Variants in SLC25A28 observed in about 807,000 individuals in gnomAD.
SLC25A28 encodes the protein mitoferrin-2.
In SLC25A28, 10 loss-of-function variants were observed where a neutral mutation model predicts 31.9. The ratio of observed to expected loss-of-function variants is 0.31; its 90% CI spans 0.19 to 0.53. The LOEUF (loss-of-function observed/expected upper bound fraction) is 0.53, where lower values mean the gene tolerates loss of function less well. Among genes scored for constraint, SLC25A28 ranks in the 20% least tolerant of loss-of-function variants. The pLI, the probability that SLC25A28 is intolerant of heterozygous loss-of-function variation, is 0.95. For missense variants in SLC25A28, 256 were observed against 490.3 expected (o/e 0.52, Z 4.51); for synonymous variants, 208 against 203.6 (o/e 1.02, Z -0.19).
chr10:99,612,596 G>C lies in SLC25A28; in HGVS notation c.524C>G (p.Ala175Gly). Residue 175 changes from alanine (A) to glycine (G), a missense_variant, in exon 3 of 4, where the codon GCG (alanine) becomes GGG (glycine). Transcript: ENST00000370495. ...PGGNSHIANG[A>G]AGCVATLLHD... is the part of the protein sequence containing the mutation. Reference sequence around the variant, plus strand: ...AAGTAATGTTGCCACACACCCGGCCGCACCTGCAAACAAGAAAACAACTGC... The same window carrying C: ...AAGTAATGTTGCCACACACCCGGCCCCACCTGCAAACAAGAAAACAACTGC... 2 of 1,614,078 alleles carry C rather than the reference G, an allele frequency of 1.2e-6. No homozygotes were observed. The highest frequency in any genetic ancestry group is 1.7e-6 in the Non-Finnish European group (2 of 1,180,026).
At chr10:99,612,721 A>G in intron 2 of SLC25A28, 122 bp from the exon 3 acceptor site, 1 of 1,089,512 alleles carries the variant, frequency 9.2e-7, no homozygotes, top group East Asian at 2.4e-5. Context: ...GTTAAGAGCT[A>G]GTCCAAAAGA....
At chr10:99,612,929 C>T (rs2034563603) in intron 2 of SLC25A28, among the ~76,000 whole-genome samples, 1 of 152,228 alleles carries the variant, frequency 6.6e-6, no homozygotes, top group Non-Finnish European at 1.5e-5. Context: ...GATGCCAGCA[C>T]ATCACCTGCC....
At chr10:99,658,264 A>G in the SLC25A28 span, among the ~76,000 whole-genome samples, 1 of 151,892 alleles carries the variant, frequency 6.6e-6, no homozygotes, top group Non-Finnish European at 1.5e-5. Context: ...ATGGTGACTG[A>G]CTCCCTTGTC....
Position 99,620,316 on chromosome 10 carries a change from C to G in SLC25A28, c.20G>C (p.Gly7Ala). Residue 7 changes from glycine to alanine, a missense_variant, in exon 1 of 4, where the codon GGT becomes GCT. By Grantham distance (60) the Gly-to-Ala change is moderately conservative (BLOSUM62 0). Around this residue, in one of 4 missense-constraint regions of SLC25A28, gnomAD observed 47 missense variants for 41.4 expected, o/e 1.14. Transcript: ENST00000370495. MELEGRGAGGVAGGPAA... is the reference protein window; with the variant it reads MELEGRAAGGVAGGPAA... The stretch of plus-strand genomic sequence containing the variant: ...CGGCCCCCCCGCCACACCGCCAGCA[C>G]CCCGCCCCTCCAACTCCATCCACCC... 15 of 1,152,092 alleles carry G rather than the reference C, an allele frequency of 1.3e-5. No homozygotes were observed. The highest frequency in any genetic ancestry group is 1.5e-5 in the Non-Finnish European group (14 of 938,152). 71.4% of individuals were successfully genotyped at this position (1,152,092 alleles called of 1,614,324 possible).
At chr10:99,622,474 A>T (rs2034814256), upstream of SLC25A28, among the ~76,000 whole-genome samples, 1 of 152,162 alleles carries the variant, frequency 6.6e-6, no homozygotes, top group African/African-American at 2.4e-5. Context: ...CTGCCAGATT[A>T]CTCCACTAAT....
upstream of SLC25A28, among the ~76,000 whole-genome samples, chr10:99,624,036 C>T (rs1289998091): frequency 6.6e-6 from 1 of 151,574 alleles, no homozygotes; most frequent in Non-Finnish European, 1.5e-5. Context: ...TTCCTTCCCT[C>T]TCTCCCTCCC....
the SLC25A28 span, among the ~76,000 whole-genome samples, chr10:99,627,890 C>A: frequency 6.6e-6 from 1 of 152,132 alleles, no homozygotes; most frequent in African/African-American, 2.4e-5. Flanking sequence ...TTCCCGCCAC[C>A]CTTCCCAGCC....
At chr10:99,641,087 G>T in the SLC25A28 span, among the ~76,000 whole-genome samples, 6 of 152,192 alleles carry the variant, frequency 3.9e-5, no homozygotes, top group Admixed American at 3.3e-4. Flanking sequence ...ACCCAGTAAT[G>T]GGATGGCTGG....
Position 99,618,604 on chromosome 10 carries a change from T to C in SLC25A28, c.291+1441A>G, listed in dbSNP as rs1014110739. The stretch of plus-strand genomic sequence containing the variant: ...GTTGTTACTTCTCTCTCATGGATTT[T>C]ACAGTTTATTTCTATTTCTCCCAAT... On this transcript the variant is annotated intron_variant, in intron 1 of 3. Coordinates refer to ENST00000370495, the MANE Select transcript of SLC25A28 (RefSeq NM_031212.4). 5.1e-6 allele frequency: 5 copies of C among 985,386 alleles called. 1 individual carries two copies. The highest frequency in any genetic ancestry group is 1.2e-4 in the Admixed American group (2 of 16,274). 61.0% of individuals were successfully genotyped at this position (985,386 alleles called of 1,614,324 possible).
chr10:99,611,572 C>A lies in SLC25A28; in HGVS notation c.578-206G>T, dbSNP rs2034525462. Among the ~76,000 whole-genome samples the A allele has an allele frequency of 6.6e-6, 1 of 152,096 alleles. No homozygotes were observed. The highest frequency in any genetic ancestry group is 1.5e-5 in the Non-Finnish European group (1 of 68,004). ...AGAGGGTTGGTAACGAGTCAAAAAACAATAAACCCACTTCCATCAGGACTT... is the reference window on the plus strand; with the variant it reads ...AGAGGGTTGGTAACGAGTCAAAAAAAAATAAACCCACTTCCATCAGGACTT... On this transcript the variant is annotated intron_variant, in intron 3 of 3. Transcript: ENST00000370495. The surrounding 1 kb of genome is among the most constrained non-coding windows in gnomAD (Gnocchi z 5.5).
chr10:99,649,465 T>C, the SLC25A28 span, among the ~76,000 whole-genome samples: 1 of 152,238 alleles, frequency 6.6e-6, no homozygotes, highest in Admixed American at 6.5e-5. Flanking sequence ...ACTGGCCTTG[T>C]AGAATGAGTT....
In SLC25A28 at chr10:99,611,112, C is replaced by G; in HGVS notation, c.832G>C (p.Ala278Pro). 1 of 1,614,164 alleles carries G rather than the reference C, an allele frequency of 6.2e-7. No homozygotes were observed. The highest frequency in any genetic ancestry group is 8.5e-7 in the Non-Finnish European group (1 of 1,180,048). Reference protein sequence around the residue: ...GACAGAVAAAATTPLDVCKTL... With the variant: ...GACAGAVAAAPTTPLDVCKTL... ...TTGCAAACGTCCAGTGGGGTTGTGGCTGCGGCAGCTACAGCTCCTGCGCAA... is the reference window on the plus strand; with the variant it reads ...TTGCAAACGTCCAGTGGGGTTGTGGGTGCGGCAGCTACAGCTCCTGCGCAA... Residue 278 changes from alanine to proline, a missense_variant, in exon 4 of 4, where the codon GCC becomes CCC. This residue lies in a region of SLC25A28 where 158 missense variants were observed against 379.1 expected (regional missense o/e 0.42). Transcript: ENST00000370495. The surrounding 1 kb of genome is among the most constrained non-coding windows in gnomAD (Gnocchi z 5.5).
At chr10:99,624,543 AAAGT>A (rs1282428750), upstream of SLC25A28, among the ~76,000 whole-genome samples, 2 of 152,192 alleles carry the variant, frequency 1.3e-5, no homozygotes. Context: ...AAAAATTATA[AAAGT>A]AAGCAGGCCA....
chr10:99,622,594 C>T, upstream of SLC25A28: 1 of 952,560 alleles, frequency 1.0e-6, no homozygotes, highest in Non-Finnish European at 1.2e-6. Flanking sequence ...TTTCCTATTC[C>T]CGTTTTTCTT....
the SLC25A28 span, chr10:99,652,000 A>G: frequency 6.6e-6 from 1 of 151,786 alleles, no homozygotes; most frequent in Non-Finnish European, 1.5e-5. Context: ...TTTCTTCTCT[A>G]TTTTCTTTTA....
rs199687661 is a variant in SLC25A28 at position 99,620,019 on chromosome 10, G to T, written c.291+26C>A. On this transcript the variant is annotated intron_variant, in intron 1 of 3. Coordinates refer to ENST00000370495, the MANE Select transcript of SLC25A28 (RefSeq NM_031212.4). ...CAGGGGTCGGGTCAGCCCCAGGTCG[G>T]GTTCGAAGCCGGGTGCAGGTCTCAC... 191 of 1,555,622 alleles carry T rather than the reference G, an allele frequency of 1.2e-4. 1 individual carries two copies. The highest frequency in any genetic ancestry group is 5.5e-4 in the African/African-American group (39 of 71,550).
At chr10:99,649,191 G>C in the SLC25A28 span, among the ~76,000 whole-genome samples, 3 of 152,208 alleles carry the variant, frequency 2.0e-5, no homozygotes, top group Middle Eastern at 3.4e-3. Context: ...TGAATGCTTT[G>C]TCTGTATTGA....
the SLC25A28 span, among the ~76,000 whole-genome samples, chr10:99,641,853 G>T: frequency 6.6e-6 from 1 of 150,942 alleles, no homozygotes; most frequent in African/African-American, 2.5e-5. Flanking sequence ...TTTTTGTCAG[G>T]TTTGTCAAAG....
the SLC25A28 span, among the ~76,000 whole-genome samples, chr10:99,635,874 G>A: frequency 3.1e-3 from 471 of 152,302 alleles, 1 homozygote; most frequent in Middle Eastern, 0.014. Flanking sequence ...AAGAGACAAA[G>A]AGGGAGACTG....
Sources: allele counts gnomAD v4.1 joint callset (sites outside exome capture counted in the v4.1 genomes callset), GRCh38; gene constraint gnomAD v4.1.1; regional missense constraint gnomAD v4.1.1; non-coding constraint Gnocchi (gnomAD v3.1); transcripts MANE v1.5; gene names NCBI Gene and HGNC (gene_info 2026-07-23, HGNC 2026-07-21).